AFF4: variants seen among roughly 807,000 people sequenced by gnomAD.
The protein encoded by AFF4 is AF4/FMR2 family member 4.
Under a neutral mutation model 124.8 loss-of-function variants are expected in AFF4, and 13 were observed. That is an observed-to-expected ratio of 0.10 (90% CI 0.07 to 0.17). The LOEUF (loss-of-function observed/expected upper bound fraction) is 0.17. Among genes scored for constraint, AFF4 ranks in the 10% least tolerant of loss-of-function variants. The probability of loss-of-function intolerance (pLI) is 1.00; values close to 1 mark genes in which losing one functional copy is unlikely to be tolerated. For missense variants in AFF4, 1,092 were observed against 1,403.8 expected (o/e 0.78, Z 3.55); for synonymous variants, 477 against 496.1 (o/e 0.96, Z 0.51).
intron 17 of AFF4, among the ~76,000 whole-genome samples, chr5:132,887,317 C>A (rs1387467388): frequency 6.6e-6 from 1 of 152,192 alleles, no homozygotes; most frequent in Non-Finnish European, 1.5e-5. Flanking sequence ...AGGCTTTCAT[C>A]AAGAGGGAAA....
chr5:132,924,459 C>A (rs77212386), intron 5 of AFF4, among the ~76,000 whole-genome samples: 1 of 152,024 alleles, frequency 6.6e-6, no homozygotes, highest in East Asian at 1.9e-4. Flanking sequence ...GTGGTGGAGG[C>A]GAGGGAGACT....
At chr5:132,906,260 C>T (rs1383245747) in intron 5 of AFF4, among the ~76,000 whole-genome samples, 2 of 152,178 alleles carry the variant, frequency 1.3e-5, no homozygotes, top group Non-Finnish European at 2.9e-5. Flanking sequence ...CTCTTAGGTA[C>T]ACAACCAAAC....
At chr5:132,886,238 G>C in intron 18 of AFF4, 72 bp downstream of exon 18, 1 of 1,337,388 alleles carries the variant, frequency 7.5e-7, no homozygotes, top group Non-Finnish European at 1.1e-6. Context: ...CATGAGGGCA[G>C]TTCTCAGATG....
intron 1 of AFF4, among the ~76,000 whole-genome samples, chr5:132,960,547 A>G (rs1234603387): frequency 6.6e-6 from 1 of 152,230 alleles, no homozygotes; most frequent in African/African-American, 2.4e-5. Context: ...TACGGCATTT[A>G]CCTTACCTTC....
At chr5:132,960,303 T>A (rs1171693833) in intron 1 of AFF4, among the ~76,000 whole-genome samples, 1 of 152,222 alleles carries the variant, frequency 6.6e-6, no homozygotes, top group Non-Finnish European at 1.5e-5. Context: ...GTGAGATATC[T>A]GTAGAATAAA....
rs71221402 is a variant in AFF4, at chr5:132,912,854, AACACACACAC to A, written c.1051-8460_1051-8451del. ...TGAAGATAGAGGCTGACACACACAC[AACACACACAC>A]ACACACACACACACACACAAAAGGG... On this transcript the variant is annotated intron_variant, in intron 5 of 20. Transcript: ENST00000265343. Among the ~76,000 whole-genome samples, 8 of 146,644 alleles carry A rather than the reference AACACACACAC, an allele frequency of 5.5e-5. No homozygotes were observed. The East Asian group carries it at 1.0e-3, about 18-fold the overall frequency.
In AFF4 at chr5:132,920,607, G is replaced by A. The variant is rs147330481; in HGVS notation, c.1050+6514C>T. ...TGACCTCAAGTGATCTACCCACCTT[G>A]GCCTCCCAAAGTGCTAGGATTACAG... On this transcript the variant is annotated intron_variant, in intron 5 of 20. Coordinates refer to ENST00000265343, the MANE Select transcript of AFF4 (RefSeq NM_014423.4). Among the ~76,000 whole-genome samples the A allele has an allele frequency of 2.9e-3, 443 of 150,438 alleles. 1 individual carries two copies. Among genetic ancestry groups the A allele is most frequent in the South Asian group, 9.1e-3 (43 of 4,718 alleles).
intron 2 of AFF4, among the ~76,000 whole-genome samples, chr5:132,935,281 A>G (rs1006645886): frequency 6.6e-6 from 1 of 152,240 alleles, no homozygotes; most frequent in African/African-American, 2.4e-5. Context: ...TGTGAAGAGC[A>G]ACTGCACTCC....
chr5:132,955,795 A>AAT (rs966690877), intron 1 of AFF4, among the ~76,000 whole-genome samples: 2,441 of 117,158 alleles, frequency 0.021, 126 homozygotes, highest in East Asian at 0.2. Flanking sequence ...AAAAAAAAAA[A>AAT]ATATATATAT....
At chr5:132,961,749 C>T (rs1762086342) in intron 1 of AFF4, among the ~76,000 whole-genome samples, 3 of 152,122 alleles carry the variant, frequency 2.0e-5, no homozygotes, top group Admixed American at 1.3e-4. Context: ...CTTGTCCCCA[C>T]TTGAAGCAAA....
At chr5:132,923,274 C>T (rs1003234349) in intron 5 of AFF4, among the ~76,000 whole-genome samples, 1 of 151,998 alleles carries the variant, frequency 6.6e-6, no homozygotes, top group African/African-American at 2.4e-5. Context: ...TCACTTGAGC[C>T]TGGGAGGTCG....
intron 5 of AFF4, among the ~76,000 whole-genome samples, chr5:132,919,852 A>C (rs1416218982): frequency 2.6e-5 from 4 of 152,046 alleles, no homozygotes; most frequent in African/African-American, 9.7e-5. Flanking sequence ...TCTTTCAAAA[A>C]CAGAAAAGAA....
chr5:132,925,043 C>T (rs1347707862), intron 5 of AFF4, among the ~76,000 whole-genome samples: 8 of 151,872 alleles, frequency 5.3e-5, no homozygotes, highest in South Asian at 2.1e-4. Context: ...GGCGTGGTGG[C>T]GGGCACCTGT....
rs546643861 is a variant in AFF4 at position 132,877,533 on chromosome 5, T to C, written c.*3526A>G. The C allele has an allele frequency of 9.6e-6, 2 of 207,974 alleles. No individual in the cohort carries two copies. The highest frequency in any genetic ancestry group is 1.2e-4 in the Admixed American group (2 of 16,874). 12.9% of individuals were successfully genotyped at this position (207,974 alleles called of 1,614,324 possible). On this transcript the variant is annotated 3_prime_UTR_variant, in exon 21 of 21. Transcript: ENST00000265343. ...TCATGTTTTCATACATACATACATA[T>C]ATATAAAGTGTGTATGTGTACAGAA...
In AFF4 at chr5:132,934,384, A is replaced by C; in HGVS notation, c.681T>G (p.Pro227=). Residue 227 remains proline (P), a synonymous_variant, in exon 3 of 21, where the codon CCT becomes CCG. Transcript: ENST00000265343. The part of the protein sequence containing the change: ...DANWDSPSRV[P]FSSGQHSTQS... ...GAGTTGAGTGCTGCCCACTTGAAAAAGGTACACGGGAAGGAGAATCCCAGT... is the reference window on the plus strand; with the variant it reads ...GAGTTGAGTGCTGCCCACTTGAAAACGGTACACGGGAAGGAGAATCCCAGT... The C allele has an allele frequency of 6.2e-7, 1 of 1,614,166 alleles. No homozygotes were observed. Among genetic ancestry groups the C allele is most frequent in the Non-Finnish European group, 8.5e-7 (1 of 1,180,024 alleles).
intron 2 of AFF4, among the ~76,000 whole-genome samples, chr5:132,935,939 A>C (rs10477744): frequency 6.6e-6 from 1 of 150,890 alleles, no homozygotes; most frequent in East Asian, 2.0e-4. Context: ...AAAAAAAAAA[A>C]CTTTTGAAGA....
chr5:132,886,652 T>C (rs139274046), intron 17 of AFF4, among the ~76,000 whole-genome samples: 101 of 152,274 alleles, frequency 6.6e-4, no homozygotes, highest in African/African-American at 2.3e-3. Context: ...ACCTTATCCA[T>C]AGGACACCAA....
rs115319603 is a variant in AFF4 at position 132,960,933 on chromosome 5, G to A, written c.-5+2326C>T. On this transcript the variant is annotated intron_variant, in intron 1 of 20. Transcript: ENST00000265343. Reference sequence around the variant, plus strand: ...TAGGCTTCTGCTTGTTTGAGACATCGCCTAGGTTGGCCGGGCGCAGTGCTC... The same window carrying A: ...TAGGCTTCTGCTTGTTTGAGACATCACCTAGGTTGGCCGGGCGCAGTGCTC... 5.2e-3 allele frequency among the ~76,000 whole-genome samples: 786 copies of A among 152,118 alleles called. 6 individuals are homozygous for A. Among genetic ancestry groups the A allele is most frequent in the African/African-American group, 0.018 (746 of 41,518 alleles).
At chr5:132,949,700 A>G (rs201309843) in intron 1 of AFF4, among the ~76,000 whole-genome samples, 2,711 of 146,638 alleles carry the variant, frequency 0.018, 70 homozygotes, top group East Asian at 0.13. Context: ...ACACACACAC[A>G]CGCGCGCGCG....
Sources: allele counts gnomAD v4.1 joint callset (sites outside exome capture counted in the v4.1 genomes callset), GRCh38; gene constraint gnomAD v4.1.1; transcripts MANE v1.5; gene names NCBI Gene and HGNC (gene_info 2026-07-23, HGNC 2026-07-21).